FADS2: variants seen among roughly 807,000 people sequenced by gnomAD.
The protein encoded by FADS2 is fatty acid desaturase 2, also known as acyl-CoA 6-desaturase.
FADS2 carries 18 observed loss-of-function variants against 61.2 expected under a neutral mutation model. That is an observed-to-expected ratio of 0.29 (90% CI 0.20 to 0.44). The LOEUF (loss-of-function observed/expected upper bound fraction) is 0.44, where lower values mean the gene tolerates loss of function less well. FADS2 is among the 20% of genes least tolerant of loss of function. FADS2 has a pLI of 1.00. For missense variants in FADS2, 322 were observed against 572.7 expected (o/e 0.56, Z 4.47); for synonymous variants, 203 against 223.9 (o/e 0.91, Z 0.83).
intron 1 of FADS2, among the ~76,000 whole-genome samples, chr11:61,834,183 G>A (rs115974455): frequency 1.7e-3 from 253 of 152,332 alleles, no homozygotes; most frequent in African/African-American, 5.6e-3. Flanking sequence ...GGAAAGGAGC[G>A]TGGTATGTTC....
chr11:61,832,701 C>A (rs1211097913), intron 1 of FADS2, among the ~76,000 whole-genome samples: 3 of 152,206 alleles, frequency 2.0e-5, no homozygotes, highest in African/African-American at 7.2e-5. Flanking sequence ...CTCTCTGCTG[C>A]AGAAAGGAAG....
At chr11:61,818,457 CA>C (rs1225981377) in intron 1 of FADS2, among the ~76,000 whole-genome samples, 1 of 152,150 alleles carries the variant, frequency 6.6e-6, no homozygotes, top group East Asian at 1.9e-4. Flanking sequence ...ATTCTTTGAT[CA>C]AGCAGTTTCA....
intron 4 of FADS2, among the ~76,000 whole-genome samples, chr11:61,843,625 G>A (rs1336728436): frequency 6.6e-6 from 1 of 152,136 alleles, no homozygotes; most frequent in Non-Finnish European, 1.5e-5. Flanking sequence ...GACAAATTCA[G>A]TTATCAAGAT....
At chr11:61,830,041 T>A (rs1439670378) in intron 1 of FADS2, among the ~76,000 whole-genome samples, 1 of 152,250 alleles carries the variant, frequency 6.6e-6, no homozygotes, top group Non-Finnish European at 1.5e-5. Flanking sequence ...TTTGTGATGC[T>A]ATTTAGAACT....
chr11:61,834,152 G>T (rs538339988), intron 1 of FADS2, among the ~76,000 whole-genome samples: 1 of 152,224 alleles, frequency 6.6e-6, no homozygotes, highest in Non-Finnish European at 1.5e-5. Flanking sequence ...GCTGAGTCCC[G>T]AATGGAGGCA....
intron 7 of FADS2, chr11:61,862,113 CG>C: frequency 6.6e-6 from 1 of 152,410 alleles, no homozygotes; most frequent in East Asian, 1.9e-4. Context: ...GCAGAGGCCC[CG>C]GGGAGGGAGT....
chr11:61,831,017 G>T (rs1464070855), intron 1 of FADS2, among the ~76,000 whole-genome samples: 2 of 152,172 alleles, frequency 1.3e-5, no homozygotes, highest in African/African-American at 4.8e-5. Context: ...AAGACTTTTG[G>T]GGCATGAAAT....
Position 61,816,478 on chromosome 11 carries a change from G to C in FADS2, c.141+52G>C. 2.5e-6 allele frequency: 4 copies of C among 1,601,064 alleles called. No homozygotes were observed. In the Admixed American group the frequency reaches 6.7e-5, roughly 27 times the overall value. ...CTCCGAATTAGTCGGTGTTTGGCTC[G>C]GAGTGCGTAACTCTGTCTCCCCTGC... On this transcript the variant is annotated intron_variant, in intron 1 of 11. Coordinates refer to the FADS2 transcript ENST00000257261. This position sits in a 1 kb window ranked among gnomAD's most constrained non-coding sequence, Gnocchi z 7.0.
At chr11:61,826,781 C>T (rs531515459), upstream of FADS2, among the ~76,000 whole-genome samples, 73 of 152,224 alleles carry the variant, frequency 4.8e-4, no homozygotes, top group African/African-American at 1.6e-3. Context: ...GGAAAGGGAG[C>T]CCATCTGCCC....
rs761690466 is a variant in FADS2 at position 61,857,510 on chromosome 11, A to T, written c.862A>T (p.Ile288Phe). ...CCAGTACCAGATCATCATGACCATG[A>T]TCGTCCATAAGAACTGGGTGGTGAG... is the stretch of plus-strand genomic sequence containing the variant. ...YFQYQIIMTMIVHKNWVDLAW... is the reference protein window; with the variant it reads ...YFQYQIIMTMFVHKNWVDLAW... Residue 288 changes from isoleucine (I) to phenylalanine (F), a missense_variant, in exon 7 of 12, where the codon ATC becomes TTC. Coordinates refer to ENST00000278840, the MANE Select transcript of FADS2 (RefSeq NM_004265.4). 1 of 1,613,936 alleles carries T rather than the reference A, an allele frequency of 6.2e-7. No individual in the cohort carries two copies. Among genetic ancestry groups the T allele is most frequent in the South Asian group, 1.1e-5 (1 of 91,074 alleles).
Position 61,816,607 on chromosome 11 carries a change from C to G in FADS2, c.141+181C>G. 1.2e-6 allele frequency: 2 copies of G among 1,605,658 alleles called. No individual in the cohort carries two copies. The highest frequency in any genetic ancestry group is 1.7e-6 in the Non-Finnish European group (2 of 1,176,784). ...GATGACCCGGGAGCCCCCTGGATGC[C>G]GGCGGGTGAACTCGCTGATGTTGTA... On this transcript the variant is annotated intron_variant, in intron 1 of 11. Transcript: ENST00000257261. The surrounding 1 kb of genome is among the most constrained non-coding windows in gnomAD (Gnocchi z 7.0).
chr11:61,866,367 C>T lies in FADS2; in HGVS notation c.*678C>T, dbSNP rs1250869651. On this transcript the variant is annotated 3_prime_UTR_variant, in exon 12 of 12. Coordinates refer to ENST00000278840, the MANE Select transcript of FADS2 (RefSeq NM_004265.4). ...CACCCCATCACTAGAGTGCTCTGAC[C>T]CTGGGCTTTCACGGGCCCCATTCCA... The T allele has an allele frequency of 4.3e-5, 8 of 187,892 alleles. No individual in the cohort carries two copies. Among genetic ancestry groups the T allele is most frequent in the African/African-American group, 9.3e-5 (4 of 43,012 alleles). 11.6% of individuals were successfully genotyped at this position (187,892 alleles called of 1,614,324 possible).
At chr11:61,834,321 G>A (rs2067152804) in intron 1 of FADS2, among the ~76,000 whole-genome samples, 1 of 152,230 alleles carries the variant, frequency 6.6e-6, no homozygotes, top group African/African-American at 2.4e-5. Context: ...AGAGTCCTTA[G>A]AGGCAGATGG....
intron 4 of FADS2, among the ~76,000 whole-genome samples, 193 bp downstream of exon 4, chr11:61,840,918 C>T (rs944340652): frequency 1.3e-5 from 2 of 152,196 alleles, no homozygotes; most frequent in African/African-American, 4.8e-5. Context: ...ACCACAAAGC[C>T]ATGGTGTACT....
Position 61,816,545 on chromosome 11 carries a change from C to T in FADS2, c.141+119C>T. The T allele has an allele frequency of 6.2e-7, 1 of 1,600,426 alleles. No homozygotes were observed. Among genetic ancestry groups the T allele is most frequent in the Non-Finnish European group, 8.5e-7 (1 of 1,174,662 alleles). On this transcript the variant is annotated intron_variant, in intron 1 of 11. Transcript: ENST00000257261. The surrounding 1 kb of genome is among the most constrained non-coding windows in gnomAD (Gnocchi z 7.0). ...CGCCCTCTCCTGTGCCCCCGCCTGG[C>T]TGCGCTCACCGTGGCATCCTGCCCG...
upstream of FADS2, chr11:61,826,653 C>G (rs936255000): frequency 1.9e-6 from 1 of 534,052 alleles, no homozygotes; most frequent in Non-Finnish European, 3.3e-6. Context: ...TGCTCACACT[C>G]AAAGACAGAG....
At chr11:61,844,751 C>T (rs559293676) in intron 4 of FADS2, among the ~76,000 whole-genome samples, 1 of 150,836 alleles carries the variant, frequency 6.6e-6, no homozygotes, top group African/African-American at 2.4e-5. Context: ...CGGTGAAACC[C>T]CATCTCCACT....
chr11:61,860,772 G>A (rs545073668), intron 7 of FADS2, among the ~76,000 whole-genome samples: 13 of 152,288 alleles, frequency 8.5e-5, no homozygotes, highest in Admixed American at 2.0e-4. Context: ...AGCTGGGCGT[G>A]GTGATGCGCG....
chr11:61,825,211 A>C (rs1459939440), upstream of FADS2, among the ~76,000 whole-genome samples: 1 of 152,178 alleles, frequency 6.6e-6, no homozygotes, highest in Non-Finnish European at 1.5e-5. Context: ...CCCATTATCT[A>C]TTCATTTGCT....
Sources: allele counts gnomAD v4.1 joint callset (sites outside exome capture counted in the v4.1 genomes callset), GRCh38; gene constraint gnomAD v4.1.1; non-coding constraint Gnocchi (gnomAD v3.1); transcripts MANE v1.5; gene names NCBI Gene and HGNC (gene_info 2026-07-23, HGNC 2026-07-21).